The following MACC1 variants were observed in gnomAD, a reference collection of about 807,000 sequenced individuals.
MACC1 encodes the protein metastasis-associated in colon cancer protein 1.
Under a neutral mutation model 70.7 loss-of-function variants are expected in MACC1, and 79 were observed. The observed-to-expected ratio is 1.12, with a 90% confidence interval of 0.93 to 1.35. The LOEUF (loss-of-function observed/expected upper bound fraction) is 1.35. MACC1 is among the 40% of genes most tolerant of loss of function. The pLI, the probability that MACC1 is intolerant of heterozygous loss-of-function variation, is 0.00. For missense variants in MACC1, 1,106 were observed against 978.1 expected (o/e 1.13, Z -1.74); for synonymous variants, 361 against 347.2 (o/e 1.04, Z -0.44).
At chr7:20,199,707 TC>T (rs1423220696) in intron 1 of MACC1, among the ~76,000 whole-genome samples, 1 of 152,180 alleles carries the variant, frequency 6.6e-6, no homozygotes, top group Admixed American at 6.5e-5. Context: ...GAAGAGGAAC[TC>T]ACAGAGGTGA....
In MACC1 at chr7:20,160,457, T is replaced by C. The variant is rs145428339; in HGVS notation, c.116-212A>G. On this transcript the variant is annotated intron_variant, in intron 4 of 6. Coordinates refer to ENST00000400331, the MANE Select transcript of MACC1 (RefSeq NM_182762.4). ...AATATTTTTTCTACCAGGTTATTTT[T>C]TGAACATATGTAATGTTATTTTAAG... Among the ~76,000 whole-genome samples, 35 of 152,322 alleles carry C rather than the reference T, an allele frequency of 2.3e-4. 1 individual carries two copies. The highest frequency in any genetic ancestry group is 7.9e-4 in the African/African-American group (33 of 41,582).
intron 1 of MACC1, among the ~76,000 whole-genome samples, chr7:20,195,360 A>T (rs1782733715): frequency 6.6e-6 from 1 of 152,256 alleles, no homozygotes; most frequent in South Asian, 2.1e-4. Flanking sequence ...GCCATTCCAC[A>T]GGCTGAAAAG....
intron 1 of MACC1, among the ~76,000 whole-genome samples, chr7:20,206,775 C>T (rs906815295): frequency 3.3e-5 from 5 of 152,222 alleles, no homozygotes; most frequent in Admixed American, 3.3e-4. Flanking sequence ...CTTATCTGTT[C>T]TTCCTTCCAA....
chr7:20,212,599 C>G lies in MACC1; in HGVS notation c.-218+4700G>C, dbSNP rs543964186. On this transcript the variant is annotated intron_variant, in intron 1 of 6. Coordinates refer to ENST00000400331, the MANE Select transcript of MACC1 (RefSeq NM_182762.4). Reference sequence around the variant, plus strand: ...ATTTTAATGAGGAACATACTTGTCTCCTCCATTTATCTGGCCCTCCCTGAT... The same window carrying G: ...ATTTTAATGAGGAACATACTTGTCTGCTCCATTTATCTGGCCCTCCCTGAT... Among the ~76,000 whole-genome samples the G allele has an allele frequency of 4.1e-4, 62 of 152,226 alleles. No individual in the cohort carries two copies. In the Middle Eastern group the frequency reaches 0.017, roughly 42 times the overall value.
intron 6 of MACC1, among the ~76,000 whole-genome samples, chr7:20,147,862 GT>G (rs1781916756): frequency 6.6e-6 from 1 of 152,130 alleles, no homozygotes; most frequent in Non-Finnish European, 1.5e-5. Flanking sequence ...AAACCTGCTG[GT>G]TAAGCCATCT....
At chr7:20,175,952 C>T (rs1175266232) in intron 1 of MACC1, among the ~76,000 whole-genome samples, 2 of 151,998 alleles carry the variant, frequency 1.3e-5, no homozygotes, top group Non-Finnish European at 2.9e-5. Flanking sequence ...AATCAGAGAT[C>T]AGTGTTAGAA....
chr7:20,213,560 G>A (rs937816765), intron 1 of MACC1, among the ~76,000 whole-genome samples: 8 of 152,276 alleles, frequency 5.3e-5, no homozygotes, highest in African/African-American at 1.9e-4. Flanking sequence ...TAAAGAAAAT[G>A]TGGTACATAT....
At chr7:20,177,574 T>C (rs1433126555) in intron 1 of MACC1, among the ~76,000 whole-genome samples, 6 of 152,108 alleles carry the variant, frequency 3.9e-5, no homozygotes, top group Non-Finnish European at 8.8e-5. Flanking sequence ...TTTTTTGTTC[T>C]AATTTATATT....
intron 2 of MACC1, among the ~76,000 whole-genome samples, chr7:20,167,087 A>G (rs1206206805): frequency 6.6e-6 from 1 of 152,152 alleles, no homozygotes; most frequent in Non-Finnish European, 1.5e-5. Context: ...ATTATTCATT[A>G]TTTATTTGGA....
intron 1 of MACC1, among the ~76,000 whole-genome samples, chr7:20,184,474 TC>T (rs1380976003): frequency 3.9e-5 from 6 of 152,216 alleles, no homozygotes; most frequent in African/African-American, 1.4e-4. Context: ...TTTTTCTTTC[TC>T]ATTATCAAAT....
At chr7:20,209,476 C>T (rs1486150867) in intron 1 of MACC1, among the ~76,000 whole-genome samples, 16 of 152,232 alleles carry the variant, frequency 1.1e-4, no homozygotes, top group Non-Finnish European at 2.4e-4. Context: ...TTCAGACTTG[C>T]ATGGGGCCTA....
At chr7:20,176,103 T>A (rs1304644849) in intron 1 of MACC1, among the ~76,000 whole-genome samples, 1 of 152,080 alleles carries the variant, frequency 6.6e-6, no homozygotes, top group Non-Finnish European at 1.5e-5. Flanking sequence ...ATTTGTAAAC[T>A]GTAAAAAAAT....
chr7:20,188,910 T>G (rs1429792224), intron 1 of MACC1, among the ~76,000 whole-genome samples: 1 of 152,264 alleles, frequency 6.6e-6, no homozygotes, highest in Non-Finnish European at 1.5e-5. Context: ...AAGCTAAAGT[T>G]ATATAGCCTA....
rs1781777447 is a variant in MACC1, at chr7:20,140,270, A to AT, written c.*675dup. ...TTTTACTATTCTGTTATGCAGTATG[A>AT]TTTTTTAAAAAGAAATAGAAACAGG... On this transcript the variant is annotated 3_prime_UTR_variant, in exon 7 of 7. Transcript: ENST00000400331. The AT allele has an allele frequency of 6.6e-6, 1 of 152,180 alleles. No individual in the cohort carries two copies. Among genetic ancestry groups the AT allele is most frequent in the Admixed American group, 6.5e-5 (1 of 15,274 alleles). The allele number at this position is 152,180 out of a possible 1,614,324, so 9.4% of individuals were successfully genotyped here. A position where few individuals can be genotyped will look rare whatever the true frequency, so the allele number is the denominator to read the frequency against.
chr7:20,210,728 C>T (rs1782982763), intron 1 of MACC1, among the ~76,000 whole-genome samples: 1 of 152,312 alleles, frequency 6.6e-6, no homozygotes, highest in African/African-American at 2.4e-5. Flanking sequence ...TTCTTGTTCA[C>T]TGCTATATCC....
rs117490350 is a variant in MACC1 at position 20,194,014 on chromosome 7, G to A, written c.-217-23236C>T. Among the ~76,000 whole-genome samples, 1,086 of 152,248 alleles carry A rather than the reference G, an allele frequency of 7.1e-3. 24 individuals carry two copies. Among genetic ancestry groups the A allele is most frequent in the Admixed American group, 0.038 (574 of 15,288 alleles). On this transcript the variant is annotated intron_variant, in intron 1 of 6. Coordinates refer to ENST00000400331, the MANE Select transcript of MACC1 (RefSeq NM_182762.4). The stretch of plus-strand genomic sequence containing the variant: ...GATCTGGAATTTAGGTAAGGTTTGT[G>A]GCCAGCGGTTCTCTGATCTGCGGTG...
At chr7:20,146,714 A>G (rs993690508) in intron 6 of MACC1, among the ~76,000 whole-genome samples, 1 of 152,226 alleles carries the variant, frequency 6.6e-6, no homozygotes, top group African/African-American at 2.4e-5. Context: ...AAAGATATGC[A>G]GAAACTCTAC....
At chr7:20,167,650 A>G (rs980680096) in intron 2 of MACC1, among the ~76,000 whole-genome samples, 1 of 151,392 alleles carries the variant, frequency 6.6e-6, no homozygotes, top group African/African-American at 2.4e-5. Flanking sequence ...CTTTCTACCT[A>G]TAGGTTAAAA....
intron 1 of MACC1, among the ~76,000 whole-genome samples, chr7:20,193,686 G>A (rs1486395826): frequency 6.6e-6 from 1 of 152,158 alleles, no homozygotes; most frequent in Non-Finnish European, 1.5e-5. Flanking sequence ...TGGTTGTAGA[G>A]GGCCATGTCC....
Sources: gnomAD v4.1 joint callset for allele counts (sites outside exome capture counted in the v4.1 genomes callset) on GRCh38, gnomAD v4.1.1 for gene constraint, MANE v1.5 for transcripts, NCBI Gene and HGNC (gene_info 2026-07-23, HGNC 2026-07-21) for gene names.